TRPV4: variants seen among roughly 807,000 people sequenced by gnomAD.
TRPV4 encodes the protein OSM9-like transient receptor potential channel 4.
TRPV4 carries 58 observed loss-of-function variants against 84.1 expected under a neutral mutation model. That is an observed-to-expected ratio of 0.69 (90% CI 0.56 to 0.86). TRPV4 has a LOEUF of 0.86. Ranked by LOEUF, TRPV4 falls within the 40% of genes least tolerant of loss-of-function variation. The pLI is 0.00. For synonymous variants in TRPV4, 489 were observed against 500.9 expected, an observed-to-expected ratio of 0.98 and a Z score of 0.32; for missense variants, 879 against 1,181.1, an observed-to-expected ratio of 0.74 and a Z score of 3.75.
At chr12:109,784,470 C>G in intron 14 of TRPV4, 33 bp from the exon 15 acceptor site, 1 of 1,614,046 alleles carries the variant, frequency 6.2e-7, no homozygotes, top group Non-Finnish European at 8.5e-7. Flanking sequence ...TCATGGGGAA[C>G]CCCTCAGAGA....
At chr12:109,807,024 C>T (rs1303833543) in intron 3 of TRPV4, among the ~76,000 whole-genome samples, 1 of 152,166 alleles carries the variant, frequency 6.6e-6, no homozygotes, top group Non-Finnish European at 1.5e-5. Context: ...TGCCTATAAT[C>T]CCAGCACTTC....
At position 109,798,704 on chromosome 12, in the gene TRPV4, G is replaced by A. The variant is rs115446386; in HGVS notation, c.1062C>T (p.Ala354=). The change falls in exon 6 of 16, where the codon GCC becomes GCT. Residue 354 remains alanine, a synonymous_variant. Coordinates refer to ENST00000261740, the MANE Select transcript of TRPV4 (RefSeq NM_021625.5). The surrounding 1 kb of genome is among the most constrained non-coding windows in gnomAD (Gnocchi z 5.0). ...KMYDLLLLKC[A]RLFPDSNLEA... ...CCAGGTTGCTGTCGGGGAAGAGGCG[G>A]GCACACTTGAGCAGCAGCAGGTCGT... The A allele has an allele frequency of 4.8e-5, 78 of 1,613,980 alleles. No homozygotes were observed. The Middle Eastern group carries it at 6.6e-4, about 14-fold the overall frequency.
At chr12:109,787,464 G>A (rs1487224905) in intron 13 of TRPV4, among the ~76,000 whole-genome samples, 1 of 152,094 alleles carries the variant, frequency 6.6e-6, no homozygotes, top group Admixed American at 6.6e-5. Flanking sequence ...AATTAGCCGG[G>A]TGAGGTGGTG....
intron 1 of TRPV4, among the ~76,000 whole-genome samples, chr12:109,823,295 C>A (rs902020364): frequency 1.2e-4 from 19 of 152,218 alleles, no homozygotes; most frequent in Admixed American, 8.5e-4. Context: ...TGGGCCCCCA[C>A]CCCATGCACT....
chr12:109,786,576 A>T lies in TRPV4; in HGVS notation c.2336+134T>A. ...TGCCTGAGATCGCCTGGTGGAAATGAACTCTGCTCGGGCCTCTTGGGGCCT... is the reference window on the plus strand; with the variant it reads ...TGCCTGAGATCGCCTGGTGGAAATGTACTCTGCTCGGGCCTCTTGGGGCCT... On this transcript the variant is annotated intron_variant, in intron 14 of 15. Coordinates refer to ENST00000261740, the MANE Select transcript of TRPV4 (RefSeq NM_021625.5). The surrounding 1 kb of genome is among the most constrained non-coding windows in gnomAD (Gnocchi z 4.5). The T allele has an allele frequency of 8.5e-7, 1 of 1,176,674 alleles. No homozygotes were observed. Among genetic ancestry groups the T allele is most frequent in the Non-Finnish European group, 1.2e-6 (1 of 826,392 alleles). 72.9% of individuals were successfully genotyped at this position (1,176,674 alleles called of 1,614,324 possible).
chr12:109,809,326 A>G (rs1225449631), intron 2 of TRPV4, among the ~76,000 whole-genome samples: 2 of 135,976 alleles, frequency 1.5e-5, no homozygotes, highest in Non-Finnish European at 3.1e-5. Context: ...TCCCTCATCC[A>G]TACATCCACC....
Position 109,798,650 on chromosome 12 carries a change from C to A in TRPV4, c.1116G>T (p.Ser372=), listed in dbSNP as rs369811541. 8.1e-6 allele frequency: 13 copies of A among 1,612,658 alleles called. No individual in the cohort carries two copies. The highest frequency in any genetic ancestry group is 1.1e-5 in the Non-Finnish European group (13 of 1,180,022). The part of the protein sequence containing the change: ...LEAVLNNDGL[S]PLMMAAKTGK... ...CCGTCTTGGCAGCCATCATGAGGGG[C>A]GAGAGGCCGTCGTTGTTGAGCACGG... The change falls in exon 6 of 16, where the codon TCG becomes TCT. Residue 372 remains serine, a synonymous_variant. Coordinates refer to ENST00000261740, the MANE Select transcript of TRPV4 (RefSeq NM_021625.5). This position sits in a 1 kb window ranked among gnomAD's most constrained non-coding sequence, Gnocchi z 5.0.
At chr12:109,820,289 G>A (rs182871152) in intron 1 of TRPV4, among the ~76,000 whole-genome samples, 6 of 152,230 alleles carry the variant, frequency 3.9e-5, no homozygotes, top group African/African-American at 1.4e-4. Flanking sequence ...GTAGGGTGAT[G>A]AGATACAGGG....
chr12:109,831,151 C>T (rs1438666809), intron 1 of TRPV4, among the ~76,000 whole-genome samples: 1 of 152,186 alleles, frequency 6.6e-6, no homozygotes, highest in African/African-American at 2.4e-5. Flanking sequence ...AAACTCCAGA[C>T]AAACAGAACT....
chr12:109,785,014 G>A (rs1325066283), intron 14 of TRPV4, among the ~76,000 whole-genome samples: 1 of 151,932 alleles, frequency 6.6e-6, no homozygotes, highest in African/African-American at 2.4e-5. Context: ...CCCCCAAGCA[G>A]AAATTATTTT....
chr12:109,831,040 AACAG>A (rs1340245687), intron 1 of TRPV4, among the ~76,000 whole-genome samples: 3 of 152,234 alleles, frequency 2.0e-5, no homozygotes, highest in African/African-American at 7.2e-5. Flanking sequence ...ACCTTTCTAG[AACAG>A]ACAAACAACC....
chr12:109,808,244 T>C, intron 3 of TRPV4, 52 bp downstream of exon 3: 1 of 1,605,676 alleles, frequency 6.2e-7, no homozygotes, highest in East Asian at 2.2e-5. Flanking sequence ...AATGCCAGGC[T>C]TCCCCCACAC....
At chr12:109,785,433 T>G (rs1592815325) in intron 14 of TRPV4, among the ~76,000 whole-genome samples, 1 of 152,168 alleles carries the variant, frequency 6.6e-6, no homozygotes, top group East Asian at 1.9e-4. Flanking sequence ...TGTTTGTTTG[T>G]TTTAAGGCAG....
chr12:109,830,494 A>T (rs1892381165), intron 1 of TRPV4, among the ~76,000 whole-genome samples: 1 of 152,244 alleles, frequency 6.6e-6, no homozygotes, highest in Non-Finnish European at 1.5e-5. Flanking sequence ...AGTTCATAAC[A>T]GCAGCCACTT....
At chr12:109,799,789 C>T (rs772390946) in intron 5 of TRPV4, among the ~76,000 whole-genome samples, 4 of 151,960 alleles carry the variant, frequency 2.6e-5, no homozygotes, top group Non-Finnish European at 4.4e-5. Context: ...AAGACGGGGT[C>T]TTGCTCTATT....
chr12:109,818,225 A>G (rs2098471), intron 1 of TRPV4, among the ~76,000 whole-genome samples: 5 of 152,134 alleles, frequency 3.3e-5, no homozygotes, highest in Admixed American at 2.0e-4. Context: ...GAGAGGGGGA[A>G]GGCCTCCCCA....
intron 1 of TRPV4, among the ~76,000 whole-genome samples, chr12:109,828,656 C>G (rs573288822): frequency 6.6e-6 from 1 of 152,186 alleles, no homozygotes. Flanking sequence ...GTGGCTCAGA[C>G]GCCAAGGTGG....
Position 109,814,578 on chromosome 12 carries a change from G to A in TRPV4, c.219C>T (p.Gly73=), listed in dbSNP as rs201523762. ...GRPNLRMKFQ[G]AFRKGVPNPI... ...GGTTGGGCACCCCCTTGCGGAAGGC[G>A]CCCTGGAACTTCATGCGCAGATTTG... The change falls in exon 2 of 16, where the codon GGC becomes GGT. Residue 73 remains glycine, a synonymous_variant. Transcript: ENST00000261740. The surrounding 1 kb of genome is among the most constrained non-coding windows in gnomAD (Gnocchi z 5.4). 1.3e-5 allele frequency: 21 copies of A among 1,613,974 alleles called. No individual in the cohort carries two copies. Among genetic ancestry groups the A allele is most frequent in the Admixed American group, 1.2e-4 (7 of 60,012 alleles).
chr12:109,784,034 T>C (rs1889524605), intron 15 of TRPV4, among the ~76,000 whole-genome samples: 1 of 152,128 alleles, frequency 6.6e-6, no homozygotes, highest in Non-Finnish European at 1.5e-5. Flanking sequence ...TCTCGCGTGC[T>C]CATGGCTTAC....
Sources: allele counts gnomAD v4.1 joint callset (sites outside exome capture counted in the v4.1 genomes callset), GRCh38; gene constraint gnomAD v4.1.1; non-coding constraint Gnocchi (gnomAD v3.1); transcripts MANE v1.5; gene names NCBI Gene and HGNC (gene_info 2026-07-23, HGNC 2026-07-21).